MBTPS1: variants seen among roughly 807,000 people sequenced by gnomAD.
MBTPS1 encodes the protein membrane bound transcription factor peptidase, site 1, also known as membrane-bound transcription factor site-1 protease.
Under a neutral mutation model 127.8 loss-of-function variants are expected in MBTPS1, and 94 were observed. The observed-to-expected ratio is 0.74, with a 90% CI of 0.62 to 0.87. The LOEUF (loss-of-function observed/expected upper bound fraction) is 0.87. MBTPS1 is among the 40% of genes least tolerant of loss of function. The pLI, the probability that MBTPS1 is intolerant of heterozygous loss-of-function variation, is 0.00. For missense variants in MBTPS1, 1,636 were observed against 1,353.2 expected (o/e 1.21, Z -3.28); for synonymous variants, 632 against 509.4 (o/e 1.24, Z -3.24).
intron 3 of MBTPS1, among the ~76,000 whole-genome samples, chr16:84,097,814 A>C (rs906927522): frequency 4.0e-5 from 6 of 150,204 alleles, no homozygotes; most frequent in Non-Finnish European, 8.9e-5. Context: ...ACCTGGTTTT[A>C]CTATGAAAAT....
intron 5 of MBTPS1, among the ~76,000 whole-genome samples, 166 bp from the exon 6 acceptor site, chr16:84,093,463 C>A (rs780101731): frequency 4.6e-5 from 7 of 152,156 alleles, no homozygotes; most frequent in Non-Finnish European, 1.0e-4. Flanking sequence ...GCACAAGCAC[C>A]CCTTCCAGGT....
Position 84,074,590 on chromosome 16 carries a change from G to T in MBTPS1, c.1593+7C>A. On this transcript the variant is annotated splice_region_variant and intron_variant, in intron 12 of 22. Coordinates refer to ENST00000343411, the MANE Select transcript of MBTPS1 (RefSeq NM_003791.4). ...AAGTCAGAGACCAAGTCAGAGAGAA[G>T]TTTCACCTTATCTACAATTCTTCCT... 6.2e-7 allele frequency: 1 copy of T among 1,613,052 alleles called. No individual in the cohort carries two copies. The highest frequency in any genetic ancestry group is 1.1e-5 in the South Asian group (1 of 90,950).
intron 8 of MBTPS1, among the ~76,000 whole-genome samples, chr16:84,090,615 T>C (rs1454835348): frequency 1.3e-5 from 2 of 152,216 alleles, no homozygotes; most frequent in African/African-American, 2.4e-5. Context: ...GGCCTCTAAA[T>C]TACTATTTGT....
chr16:84,054,499 G>T lies in MBTPS1; in HGVS notation c.3109C>A (p.Arg1037Ser). 1.2e-6 allele frequency: 2 copies of T among 1,613,176 alleles called. No homozygotes were observed. The highest frequency in any genetic ancestry group is 1.1e-5 in the South Asian group (1 of 90,980). ...RPKRRKPRVK[R>S]PQLMQQVHPP... ...TGAACCTGCTGCATGAGCTGCGGGCGCTTCACCCTGGGCTTCCTCCGCTTC... is the reference window on the plus strand; with the variant it reads ...TGAACCTGCTGCATGAGCTGCGGGCTCTTCACCCTGGGCTTCCTCCGCTTC... The change falls in exon 23 of 23, where the codon CGC becomes AGC. Residue 1037 changes from arginine (R) to serine (S), a missense_variant. Arg to Ser is a moderately radical substitution (Grantham distance 110, BLOSUM62 -1). Transcript: ENST00000343411.
chr16:84,114,662 T>C (rs947645202), intron 1 of MBTPS1, among the ~76,000 whole-genome samples: 4 of 151,550 alleles, frequency 2.6e-5, no homozygotes, highest in Non-Finnish European at 5.9e-5. Context: ...AAAACCCGTC[T>C]CTACTAAAAA....
chr16:84,060,724 G>T lies in MBTPS1; in HGVS notation c.2662C>A (p.Pro888Thr). ...SLSHSGNRQR[P>T]PSGAGSVTPE... ...GTGACTGAGCCTGCTCCACTGGGAG[G>T]GCGCTGGCGGTTCCCAGAGTGACTG... The change falls in exon 20 of 23, where the codon CCT (proline) becomes ACT (threonine). Residue 888 changes from proline (P) to threonine (T), a missense_variant. Transcript: ENST00000343411. 6.2e-7 allele frequency: 1 copy of T among 1,613,752 alleles called. No homozygotes were observed. The highest frequency in any genetic ancestry group is 8.5e-7 in the Non-Finnish European group (1 of 1,179,878).
intron 10 of MBTPS1, among the ~76,000 whole-genome samples, chr16:84,084,070 C>T (rs146823110): frequency 1.9e-3 from 295 of 152,304 alleles, no homozygotes; most frequent in Middle Eastern, 6.8e-3. Context: ...AGCAATTTTC[C>T]TGCCTCAATC....
intron 11 of MBTPS1, among the ~76,000 whole-genome samples, chr16:84,080,282 A>G (rs1478791327): frequency 6.6e-6 from 1 of 152,270 alleles, no homozygotes; most frequent in East Asian, 1.9e-4. Flanking sequence ...CAATTAATCA[A>G]TGTAAATGGA....
chr16:84,109,774 G>C (rs1186923711), intron 1 of MBTPS1, among the ~76,000 whole-genome samples: 1 of 152,202 alleles, frequency 6.6e-6, no homozygotes, highest in Non-Finnish European at 1.5e-5. Context: ...TGCTGTAACA[G>C]GCACTCAGGG....
intron 1 of MBTPS1, among the ~76,000 whole-genome samples, chr16:84,115,200 A>G (rs1056402246): frequency 1.3e-5 from 2 of 152,208 alleles, no homozygotes; most frequent in Non-Finnish European, 2.9e-5. Flanking sequence ...TTGTGGGATT[A>G]CAGGCGTGAG....
Position 84,091,852 on chromosome 16 carries a change from G to C in MBTPS1, c.847-4C>G, listed in dbSNP as rs1377602057. 6.6e-7 allele frequency: 1 copy of C among 1,504,144 alleles called. No individual in the cohort carries two copies. Among genetic ancestry groups the C allele is most frequent in the Admixed American group, 1.7e-5 (1 of 59,876 alleles). The allele number at this position is 1,504,144 out of a possible 1,614,324, so 93.2% of individuals were successfully genotyped here. ...AAAACCAAGATGTGTAAGATACCTAGTTAAATATTATAACAGTCTGCTTAG... is the reference window on the plus strand; with the variant it reads ...AAAACCAAGATGTGTAAGATACCTACTTAAATATTATAACAGTCTGCTTAG... On this transcript the variant is annotated splice_region_variant and splice_polypyrimidine_tract_variant and intron_variant, in intron 6 of 22. Coordinates refer to ENST00000343411, the MANE Select transcript of MBTPS1 (RefSeq NM_003791.4).
At chr16:84,074,842 G>A in intron 11 of MBTPS1, 101 bp from the exon 12 acceptor site, 4 of 1,128,934 alleles carry the variant, frequency 3.5e-6, no homozygotes, top group Non-Finnish European at 3.8e-6. Context: ...CCTAGCTTCA[G>A]AAGGGCTTGC....
At chr16:84,072,717 G>A (rs1008779855) in intron 12 of MBTPS1, among the ~76,000 whole-genome samples, 1 of 152,180 alleles carries the variant, frequency 6.6e-6, no homozygotes, top group African/African-American at 2.4e-5. Flanking sequence ...GTGAACCCGG[G>A]AGACGGAGCT....
intron 14 of MBTPS1, 60 bp from the exon 15 acceptor site, chr16:84,068,514 T>C (rs781755173): frequency 1.6e-6 from 2 of 1,252,348 alleles, no homozygotes; most frequent in Admixed American, 1.7e-5. Context: ...TAAAGGCATA[T>C]CTGGCCACAG....
At chr16:84,097,837 CGTGTGTGTGT>C (rs71382894) in intron 3 of MBTPS1, among the ~76,000 whole-genome samples, 11 of 143,022 alleles carry the variant, frequency 7.7e-5, no homozygotes, top group South Asian at 6.9e-4. Context: ...AACTTCTCTT[CGTGTGTGTGT>C]GTGTGTGTGT....
chr16:84,069,311 G>C (rs139153956), intron 14 of MBTPS1, among the ~76,000 whole-genome samples: 1 of 152,234 alleles, frequency 6.6e-6, no homozygotes, highest in African/African-American at 2.4e-5. Context: ...GACTGCGGGG[G>C]AAGCAGTGCC....
chr16:84,073,780 G>A (rs769956091), intron 12 of MBTPS1, among the ~76,000 whole-genome samples: 2 of 152,106 alleles, frequency 1.3e-5, no homozygotes, highest in Non-Finnish European at 2.9e-5. Flanking sequence ...TGAGGTAGCT[G>A]GATCACCTGA....
At position 84,091,813 on chromosome 16, in the gene MBTPS1, G is replaced by A. The variant is rs748601168; in HGVS notation, c.882C>T (p.Asn294=). The part of the protein sequence containing the change: ...SYTSWFLDAF[N]YAILKKIDVL... ...CGTCGATCTTCTTTAAAATGGCATA[G>A]TTGAAGGCGTCCAAAAACCAAGATG... Residue 294 remains asparagine (N), a synonymous_variant, in exon 7 of 23, where the codon AAC becomes AAT. Coordinates refer to ENST00000343411, the MANE Select transcript of MBTPS1 (RefSeq NM_003791.4). 1.9e-5 allele frequency: 31 copies of A among 1,613,952 alleles called. No homozygotes were observed. The highest frequency in any genetic ancestry group is 2.5e-5 in the Non-Finnish European group (30 of 1,179,810).
chr16:84,064,660 T>C (rs2085656209), intron 18 of MBTPS1, among the ~76,000 whole-genome samples: 2 of 152,182 alleles, frequency 1.3e-5, no homozygotes, highest in Admixed American at 6.5e-5. Flanking sequence ...TGTTTACAGC[T>C]AGAACCTGAA....
Sources: gnomAD v4.1 joint callset for allele counts (sites outside exome capture counted in the v4.1 genomes callset) on GRCh38, gnomAD v4.1.1 for gene constraint, MANE v1.5 for transcripts, NCBI Gene and HGNC (gene_info 2026-07-23, HGNC 2026-07-21) for gene names.